C9orf72: variants seen among roughly 807,000 people sequenced by gnomAD.
C9orf72 encodes the protein guanine nucleotide exchange factor C9orf72.
Under a neutral mutation model 51.6 loss-of-function variants are expected in C9orf72, and 44 were observed. The ratio of observed to expected loss-of-function variants is 0.85; its 90% CI spans 0.67 to 1.10. The LOEUF (loss-of-function observed/expected upper bound fraction) is 1.10, where lower values mean the gene tolerates loss of function less well. Among genes scored for constraint, C9orf72 ranks in the 50% least tolerant of loss-of-function variants. The pLI is 0.00. For missense variants in C9orf72, 607 were observed against 570.6 expected (o/e 1.06, Z -0.65); for synonymous variants, 213 against 194.2 (o/e 1.10, Z -0.81).
chr9:27,550,523 A>G (rs1820884965), intron 9 of C9orf72, 127 bp downstream of exon 9: 1 of 526,398 alleles, frequency 1.9e-6, no homozygotes, highest in East Asian at 3.2e-5. Flanking sequence ...CTTAACTGCA[A>G]TTGCTGAGCA....
chr9:27,551,253 C>G (rs547564135), intron 8 of C9orf72, among the ~76,000 whole-genome samples: 1 of 152,338 alleles, frequency 6.6e-6, no homozygotes, highest in South Asian at 2.1e-4. Flanking sequence ...CATGAACCAA[C>G]TATCCAAGAA....
At chr9:27,566,484 C>T (rs1462957356) in intron 2 of C9orf72, among the ~76,000 whole-genome samples, 193 bp downstream of exon 2, 2 of 152,080 alleles carry the variant, frequency 1.3e-5, no homozygotes, top group African/African-American at 4.8e-5. Context: ...CCATTTCGTA[C>T]CTTCCACAGT....
intron 6 of C9orf72, 37 bp from the exon 7 acceptor site, chr9:27,558,644 T>C (rs1819267710): frequency 1.9e-6 from 2 of 1,042,800 alleles, no homozygotes; most frequent in East Asian, 2.4e-5. Context: ...AAACATGAAG[T>C]AAAAAGACCA....
chr9:27,550,490 T>C lies in C9orf72; in HGVS notation c.1149+160A>G, dbSNP rs183578252. 1.7e-3 allele frequency among the ~76,000 whole-genome samples: 260 copies of C among 152,246 alleles called. 8 individuals are homozygous for C. Among genetic ancestry groups the C allele is most frequent in the South Asian group, 0.01 (49 of 4,812 alleles). On this transcript the variant is annotated intron_variant, in intron 9 of 10. Coordinates refer to ENST00000380003, the MANE Select transcript of C9orf72 (RefSeq NM_018325.5). ...CACTTGACATGCCCTCACAGACTCT[T>C]CTGAGAACTGTAGTGTAACTAACTT...
chr9:27,557,196 T>G (rs538073926), intron 7 of C9orf72, among the ~76,000 whole-genome samples: 2 of 152,256 alleles, frequency 1.3e-5, no homozygotes, highest in Admixed American at 1.3e-4. Flanking sequence ...AAAAAAAGAC[T>G]AGAAAGAGAT....
At position 27,558,485 on chromosome 9, in the gene C9orf72, C is replaced by G. The variant is rs1179858786; in HGVS notation, c.855+6G>C. 1 of 1,477,860 alleles carries G rather than the reference C, an allele frequency of 6.8e-7. No homozygotes were observed. The highest frequency in any genetic ancestry group is 9.3e-7 in the Non-Finnish European group (1 of 1,070,914). The allele number at this position is 1,477,860 out of a possible 1,614,324, so 91.5% of individuals were successfully genotyped here. Reference sequence around the variant, plus strand: ...TGGTTTCACTTGTGATAACTAGAAACTATACCTTTAGCAGGCCTTGTACAA... The same window carrying G: ...TGGTTTCACTTGTGATAACTAGAAAGTATACCTTTAGCAGGCCTTGTACAA... On this transcript the variant is annotated splice_donor_region_variant and intron_variant, in intron 7 of 10. Coordinates refer to ENST00000380003, the MANE Select transcript of C9orf72 (RefSeq NM_018325.5).
intron 2 of C9orf72, among the ~76,000 whole-genome samples, chr9:27,566,372 G>A (rs1819466686): frequency 6.6e-6 from 1 of 152,058 alleles, no homozygotes; most frequent in Admixed American, 6.6e-5. Flanking sequence ...CAATGAAAGG[G>A]AAACAAAAGG....
At chr9:27,559,763 C>G (rs1209890858) in intron 6 of C9orf72, 1 of 152,092 alleles carries the variant, frequency 6.6e-6, no homozygotes, top group African/African-American at 2.4e-5. Context: ...AGAAACATTA[C>G]TGAATAAAGT....
At chr9:27,572,416 TGTTAA>T (rs1044699694) in intron 1 of C9orf72, among the ~76,000 whole-genome samples, 1 of 152,146 alleles carries the variant, frequency 6.6e-6, no homozygotes, top group Non-Finnish European at 1.5e-5. Context: ...TCACAGATTA[TGTTAA>T]AAGTTTCCCA....
Position 27,566,713 on chromosome 9 carries a change from T to C in C9orf72, c.408A>G (p.Thr136=). ...ATATTCTTCCTTTCCGGATTATATG[T>C]GTTAATCTATCAACACACACTCTAT... ...PLHRVCVDRL[T]HIIRKGRIWM... is the part of the protein sequence containing the mutation. Residue 136 remains threonine (T), a synonymous_variant, in exon 2 of 11, where the codon ACA becomes ACG. Coordinates refer to ENST00000380003, the MANE Select transcript of C9orf72 (RefSeq NM_018325.5). 1 of 1,612,160 alleles carries C rather than the reference T, an allele frequency of 6.2e-7. No homozygotes were observed. The highest frequency in any genetic ancestry group is 8.5e-7 in the Non-Finnish European group (1 of 1,178,868).
chr9:27,562,676 C>CT lies in C9orf72; in HGVS notation c.505-201dup, dbSNP rs34007035. Among the ~76,000 whole-genome samples, 849 of 144,786 alleles carry CT rather than the reference C, an allele frequency of 5.9e-3. 3 individuals are homozygous for CT. Among genetic ancestry groups the CT allele is most frequent in the East Asian group, 0.022 (111 of 5,008 alleles). The allele number at this position is 144,786 out of a possible 152,430, so 95.0% of individuals were successfully genotyped here. A position where few individuals can be genotyped will look rare whatever the true frequency, so the allele number is the denominator to read the frequency against. On this transcript the variant is annotated intron_variant, in intron 3 of 10. Coordinates refer to ENST00000380003, the MANE Select transcript of C9orf72 (RefSeq NM_018325.5). The stretch of plus-strand genomic sequence containing the variant: ...AAAGCTCACTTTTATTCTTTCTTTT[C>CT]TTTTTTTTTTTTTGAGATGGAGTTT...
At chr9:27,563,623 AG>A (rs1819400804) in intron 3 of C9orf72, among the ~76,000 whole-genome samples, 2 of 152,124 alleles carry the variant, frequency 1.3e-5, no homozygotes, top group African/African-American at 4.8e-5. Context: ...CCATTTTTGG[AG>A]TAACCTTAAC....
Position 27,548,265 on chromosome 9 carries a change from G to C in C9orf72, c.1417C>G (p.Gln473Glu), listed in dbSNP as rs1476819864. The change falls in exon 11 of 11, where the codon CAA (glutamine) becomes GAA (glutamate). Residue 473 changes from glutamine (Q) to glutamate (E), a missense_variant. Transcript: ENST00000380003. ...IFGRPFYTSV[Q>E]ERDVLMTF The stretch of plus-strand genomic sequence containing the variant: ...AAAGTCATTAGAACATCTCGTTCTT[G>C]CACACTAGTGTAGAAAGGTCTTCCA... 1 of 1,609,864 alleles carries C rather than the reference G, an allele frequency of 6.2e-7. No individual in the cohort carries two copies. Among genetic ancestry groups the C allele is most frequent in the African/African-American group, 1.3e-5 (1 of 74,764 alleles).
chr9:27,550,594 T>G, intron 9 of C9orf72, 56 bp downstream of exon 9: 2 of 1,110,198 alleles, frequency 1.8e-6, no homozygotes, highest in Non-Finnish European at 1.3e-6. Context: ...TAGGATATAT[T>G]AAAAAAGAAA....
intron 5 of C9orf72, 77 bp downstream of exon 5, chr9:27,561,508 T>G: frequency 1.3e-6 from 2 of 1,580,346 alleles, no homozygotes; most frequent in South Asian, 1.2e-5. Context: ...GTTATTTTCT[T>G]TCTTCCAAAT....
intron 8 of C9orf72, among the ~76,000 whole-genome samples, chr9:27,553,223 AAATT>A (rs1306394610): frequency 1.3e-5 from 2 of 152,196 alleles, no homozygotes; most frequent in Non-Finnish European, 2.9e-5. Flanking sequence ...AACTGTTTTA[AAATT>A]AATATGGACC....
rs139586202 is a variant in C9orf72, at chr9:27,562,216, T to C, written c.600+165A>G. Among the ~76,000 whole-genome samples the C allele has an allele frequency of 3.1e-3, 476 of 152,320 alleles. 5 individuals carry two copies. The highest frequency in any genetic ancestry group is 0.011 in the African/African-American group (463 of 41,576). On this transcript the variant is annotated intron_variant, in intron 4 of 10. Transcript: ENST00000380003. ...AAAATGCCTCTGTTTTGCCATAAAA[T>C]CCAGGATTTTGTGTGTGCTTATTTG...
rs893990023 is a variant in C9orf72, at chr9:27,547,418, T to C, written c.*818A>G. The C allele has an allele frequency of 2.2e-4, 34 of 152,768 alleles. No individual in the cohort carries two copies. Among genetic ancestry groups the C allele is most frequent in the African/African-American group, 7.2e-4 (30 of 41,582 alleles). The allele number at this position is 152,768 out of a possible 1,614,324, so 9.5% of individuals were successfully genotyped here. A position where few individuals can be genotyped will look rare whatever the true frequency, so the allele number is the denominator to read the frequency against. ...TCTGAACTTGTTCCAAGTAATTAGA[T>C]TTTCTAAGGAGAAAAAAGGCACAGG... On this transcript the variant is annotated 3_prime_UTR_variant, in exon 11 of 11. Transcript: ENST00000380003.
intron 4 of C9orf72, 141 bp from the exon 5 acceptor site, chr9:27,561,790 A>G (rs1819356587): frequency 1.8e-6 from 1 of 570,688 alleles, no homozygotes; most frequent in Admixed American, 3.8e-5. Context: ...TCCCCAAAAA[A>G]CAATCTCTGT....
Sources: gnomAD v4.1 joint callset for allele counts (sites outside exome capture counted in the v4.1 genomes callset) on GRCh38, gnomAD v4.1.1 for gene constraint, MANE v1.5 for transcripts, NCBI Gene and HGNC (gene_info 2026-07-23, HGNC 2026-07-21) for gene names.